Variants in PTTG1IP observed in about 807,000 individuals in gnomAD.
PTTG1IP encodes pituitary tumor-transforming gene 1 protein-interacting protein.
Under a neutral mutation model 24.4 loss-of-function variants are expected in PTTG1IP, and 16 were observed. The ratio of observed to expected loss-of-function variants is 0.66; its 90% CI spans 0.44 to 1.00. The LOEUF is 1.00. Ranked by LOEUF, PTTG1IP falls within the 50% of genes least tolerant of loss-of-function variation. The pLI, the probability that PTTG1IP is intolerant of heterozygous loss-of-function variation, is 0.00. For missense variants in PTTG1IP, 241 were observed against 245.8 expected, an observed-to-expected ratio of 0.98 and a Z score of 0.13; for synonymous variants, 89 against 96.8, an observed-to-expected ratio of 0.92 and a Z score of 0.47.
intron 5 of PTTG1IP, among the ~76,000 whole-genome samples, chr21:44,854,252 A>G (rs1340798160): frequency 2.0e-5 from 3 of 152,216 alleles, no homozygotes; most frequent in Non-Finnish European, 4.4e-5. Flanking sequence ...TAAAACAAAC[A>G]GAAGACTCAA....
chr21:44,851,756 GC>G, intron 5 of PTTG1IP, 129 bp from the exon 6 acceptor site: 1 of 1,153,376 alleles, frequency 8.7e-7, no homozygotes, highest in Non-Finnish European at 1.2e-6. Context: ...TTGTAAGCAG[GC>G]TCTCATACAG....
rs34007977 is a variant in PTTG1IP, at chr21:44,866,423, A to AACACAC, written c.116-982_116-977dup. Reference sequence around the variant, plus strand: ...CAGAGACTGCCTACTCCAATCCCATAACACACACACACACACACACACAGA... The same window carrying AACACAC: ...CAGAGACTGCCTACTCCAATCCCATAACACACACACACACACACACACACACACAGA... On this transcript the variant is annotated intron_variant, in intron 1 of 5. Transcript: ENST00000330938. Among the ~76,000 whole-genome samples, 152 of 19,788 alleles carry AACACAC rather than the reference A, an allele frequency of 7.7e-3. 22 individuals are homozygous for AACACAC. Among genetic ancestry groups the AACACAC allele is most frequent in the Non-Finnish European group, 9.5e-3 (102 of 10,746 alleles). 13.0% of individuals were successfully genotyped at this position (19,788 alleles called of 152,430 possible).
intron 3 of PTTG1IP, 101 bp downstream of exon 3, chr21:44,861,062 A>G (rs1376469777): frequency 3.1e-6 from 3 of 967,478 alleles, no homozygotes; most frequent in East Asian, 2.7e-5. Flanking sequence ...TCCGCCTCCC[A>G]AAGTGCTGGG....
intron 3 of PTTG1IP, among the ~76,000 whole-genome samples, chr21:44,858,414 G>A (rs987876930): frequency 9.2e-5 from 14 of 152,194 alleles, no homozygotes; most frequent in African/African-American, 3.4e-4. Flanking sequence ...TGCTCCCGTG[G>A]GCAAGGCTGG....
intron 2 of PTTG1IP, chr21:44,861,982 A>C: frequency 1.6e-6 from 1 of 639,106 alleles, no homozygotes; most frequent in Non-Finnish European, 2.9e-6. Context: ...GCCCGCCCTA[A>C]ACTGACAGCT....
chr21:44,852,252 G>A (rs1369602224), intron 5 of PTTG1IP, among the ~76,000 whole-genome samples: 2 of 151,518 alleles, frequency 1.3e-5, no homozygotes, highest in African/African-American at 2.4e-5. Flanking sequence ...GCGCAGTCTC[G>A]GCTCACTGCA....
At chr21:44,860,814 C>CT (rs61224396) in intron 3 of PTTG1IP, among the ~76,000 whole-genome samples, 28,823 of 149,678 alleles carry the variant, frequency 0.19, 3,379 homozygotes, top group South Asian at 0.31. Context: ...ATACTATTTT[C>CT]TTTTTTTTTT....
intron 1 of PTTG1IP, among the ~76,000 whole-genome samples, chr21:44,868,630 A>T (rs1259184816): frequency 6.6e-6 from 1 of 152,202 alleles, no homozygotes. Flanking sequence ...AAAATAAATG[A>T]TAACAGTCAT....
intron 3 of PTTG1IP, among the ~76,000 whole-genome samples, chr21:44,859,270 G>T (rs962961244): frequency 1.3e-5 from 2 of 152,240 alleles, no homozygotes; most frequent in Non-Finnish European, 2.9e-5. Context: ...TCCAGTCAGT[G>T]GCTCCCATGG....
intron 3 of PTTG1IP, among the ~76,000 whole-genome samples, chr21:44,858,559 C>G (rs775007985): frequency 1.2e-4 from 19 of 152,194 alleles, no homozygotes; most frequent in Admixed American, 5.9e-4. Context: ...ACCCCACCCT[C>G]CTGTCACGAA....
intron 3 of PTTG1IP, among the ~76,000 whole-genome samples, chr21:44,858,538 A>G (rs1481460771): frequency 6.6e-6 from 1 of 152,118 alleles, no homozygotes; most frequent in Non-Finnish European, 1.5e-5. Flanking sequence ...TTAACCAAAC[A>G]AGCCCATCGC....
intron 2 of PTTG1IP, among the ~76,000 whole-genome samples, chr21:44,863,823 G>C (rs183447685): frequency 1.1e-4 from 16 of 152,346 alleles, no homozygotes; most frequent in Admixed American, 4.6e-4. Flanking sequence ...ATCAGCAAAT[G>C]CAAGTATCCA....
Position 44,851,577 on chromosome 21 carries a change from C to A in PTTG1IP, c.*4G>T, listed in dbSNP as rs781454414. The A allele has an allele frequency of 3.3e-5, 53 of 1,606,966 alleles. 2 individuals are homozygous for A. In the South Asian group the frequency reaches 5.6e-4, roughly 17 times the overall value. ...AAGCGTCGGGACTGATGTGCTGGAG[C>A]GCTTTAGTTGTTTTCAAATCTAGCA... On this transcript the variant is annotated 3_prime_UTR_variant, in exon 6 of 6. Coordinates refer to ENST00000330938, the MANE Select transcript of PTTG1IP (RefSeq NM_004339.4).
At chr21:44,869,085 C>T (rs527534335) in intron 1 of PTTG1IP, among the ~76,000 whole-genome samples, 1 of 152,216 alleles carries the variant, frequency 6.6e-6, no homozygotes, top group African/African-American at 2.4e-5. Flanking sequence ...AAAGGAAACA[C>T]CCGGTAAGAC....
chr21:44,851,513 T>G lies in PTTG1IP; in HGVS notation c.*68A>C, dbSNP rs771552649. 132 of 1,613,872 alleles carry G rather than the reference T, an allele frequency of 8.2e-5. No homozygotes were observed. The highest frequency in any genetic ancestry group is 1.0e-4 in the Non-Finnish European group (121 of 1,179,958). On this transcript the variant is annotated 3_prime_UTR_variant, in exon 6 of 6. Transcript: ENST00000330938. ...AGGAGACCGCAATGGCCACGTGGTC[T>G]CCCGGCTGGGCTGGGCTGCGGAGCG... is the stretch of plus-strand genomic sequence containing the variant.
chr21:44,854,786 G>A (rs1437524507), intron 5 of PTTG1IP, among the ~76,000 whole-genome samples: 1 of 152,156 alleles, frequency 6.6e-6, no homozygotes, highest in African/African-American at 2.4e-5. Flanking sequence ...CCGGTGCTGG[G>A]GAGTGCTTGG....
At chr21:44,857,817 C>T (rs990310163) in intron 3 of PTTG1IP, among the ~76,000 whole-genome samples, 3 of 152,216 alleles carry the variant, frequency 2.0e-5, no homozygotes, top group Non-Finnish European at 4.4e-5. Flanking sequence ...GCCTTTTGAG[C>T]TTTTAATCCT....
intron 3 of PTTG1IP, 98 bp from the exon 4 acceptor site, chr21:44,856,462 A>C: frequency 7.5e-7 from 1 of 1,329,232 alleles, no homozygotes; most frequent in Non-Finnish European, 1.0e-6. Context: ...CTCAGGACAC[A>C]GGAGCATAAG....
At chr21:44,867,610 G>A (rs1213092611) in intron 1 of PTTG1IP, among the ~76,000 whole-genome samples, 2 of 152,254 alleles carry the variant, frequency 1.3e-5, no homozygotes, top group Non-Finnish European at 1.5e-5. Flanking sequence ...CATGGTGAAG[G>A]CAGGAGAGCA....
Sources: gnomAD v4.1 joint callset for allele counts (sites outside exome capture counted in the v4.1 genomes callset) on GRCh38, gnomAD v4.1.1 for gene constraint, MANE v1.5 for transcripts, NCBI Gene and HGNC (gene_info 2026-07-23, HGNC 2026-07-21) for gene names.